Variants in GNAO1 observed in about 807,000 individuals in gnomAD.
The protein encoded by GNAO1 is guanine nucleotide-binding protein G(o) subunit alpha.
For missense variants in GNAO1, 166 were observed against 478.7 expected (o/e 0.35, Z 6.10); for synonymous variants, 164 against 180.7 (o/e 0.91, Z 0.74).
In GNAO1 at chr16:56,356,212, C is replaced by T. The variant is rs2037966386; in HGVS notation, c.*138C>T. On this transcript the variant is annotated 3_prime_UTR_variant, in exon 9 of 9. Transcript: ENST00000262493. Reference sequence around the variant, plus strand: ...ATCAAGCCCCTGTCTAACCTACGACCCCAGAGTGACTGACGGCTGTGTATT... The same window carrying T: ...ATCAAGCCCCTGTCTAACCTACGACTCCAGAGTGACTGACGGCTGTGTATT... 1 of 152,644 alleles carries T rather than the reference C, an allele frequency of 6.6e-6. No homozygotes were observed. Among genetic ancestry groups the T allele is most frequent in the Non-Finnish European group, 1.5e-5 (1 of 68,050 alleles). The allele number at this position is 152,644 out of a possible 1,614,324, so 9.5% of individuals were successfully genotyped here. A position where few individuals can be genotyped will look rare whatever the true frequency, so the allele number is the denominator to read the frequency against.
chr16:56,306,586 C>T (rs1182011064), intron 3 of GNAO1, among the ~76,000 whole-genome samples: 1 of 152,194 alleles, frequency 6.6e-6, no homozygotes, highest in African/African-American at 2.4e-5. Flanking sequence ...CACAGACCAG[C>T]CTCCAGTCAC....
intron 2 of GNAO1, among the ~76,000 whole-genome samples, chr16:56,202,846 C>T (rs2036292599): frequency 6.6e-6 from 1 of 152,196 alleles, no homozygotes; most frequent in African/African-American, 2.4e-5. Context: ...TTGTCTCACA[C>T]CTATTATGCA....
At position 56,311,275 on chromosome 16, in the gene GNAO1, G is replaced by A. The variant is rs781150897; in HGVS notation, c.304-17356G>A. 5.3e-5 allele frequency among the ~76,000 whole-genome samples: 8 copies of A among 152,064 alleles called. No individual in the cohort carries two copies. The highest frequency in any genetic ancestry group is 1.0e-4 in the Non-Finnish European group (7 of 68,002). On this transcript the variant is annotated intron_variant, in intron 3 of 8. Coordinates refer to ENST00000262493, the MANE Select transcript of GNAO1 (RefSeq NM_020988.3). The surrounding 1 kb of genome is among the most constrained non-coding windows in gnomAD (Gnocchi z 5.2). ...GGAGGGGAGTGGAACCTGAGCCCAG[G>A]TGGCATTTGGTGGCCCTGTAGTTTC...
At chr16:56,196,730 A>G (rs1260917662) in intron 2 of GNAO1, among the ~76,000 whole-genome samples, 2 of 152,216 alleles carry the variant, frequency 1.3e-5, no homozygotes, top group Non-Finnish European at 2.9e-5. Context: ...ATTGCATGCT[A>G]GCTGGTAGTC....
At chr16:56,248,513 C>T (rs1457328298) in intron 2 of GNAO1, among the ~76,000 whole-genome samples, 5 of 152,174 alleles carry the variant, frequency 3.3e-5, no homozygotes, top group African/African-American at 1.2e-4. Context: ...GAGACAGGTC[C>T]TCAGCTTCCA....
At position 56,221,444 on chromosome 16, in the gene GNAO1, G is replaced by A. The variant is rs540445219; in HGVS notation, c.161+28828G>A. Among the ~76,000 whole-genome samples the A allele has an allele frequency of 3.1e-3, 468 of 152,088 alleles. 2 individuals are homozygous for A. Among genetic ancestry groups the A allele is most frequent in the African/African-American group, 0.01 (435 of 41,476 alleles). ...GTGGGTGGATCCCTTGAGGTCAGGAGTTCATGACCAGCCTGGCCAACATGG... is the reference window on the plus strand; with the variant it reads ...GTGGGTGGATCCCTTGAGGTCAGGAATTCATGACCAGCCTGGCCAACATGG... On this transcript the variant is annotated intron_variant, in intron 2 of 8. Coordinates refer to ENST00000262493, the MANE Select transcript of GNAO1 (RefSeq NM_020988.3).
At chr16:56,303,998 G>A (rs2037368622) in intron 3 of GNAO1, among the ~76,000 whole-genome samples, 1 of 152,152 alleles carries the variant, frequency 6.6e-6, no homozygotes, top group Non-Finnish European at 1.5e-5. Flanking sequence ...TTGCTTTTTA[G>A]ATCTTTCCCT....
chr16:56,195,157 A>AT (rs201118754), intron 2 of GNAO1, among the ~76,000 whole-genome samples: 52 of 144,340 alleles, frequency 3.6e-4, no homozygotes, highest in Admixed American at 8.3e-4. Context: ...AGGTAAAACA[A>AT]TTTTTTTTTT....
chr16:56,202,250 A>G (rs141106549), intron 2 of GNAO1, among the ~76,000 whole-genome samples: 24 of 152,350 alleles, frequency 1.6e-4, no homozygotes, highest in Non-Finnish European at 2.8e-4. Context: ...GCAGGTGTCC[A>G]TGGAGTCTGG....
chr16:56,332,072 C>G (rs1333094255), intron 4 of GNAO1, among the ~76,000 whole-genome samples: 1 of 152,208 alleles, frequency 6.6e-6, no homozygotes, highest in African/African-American at 2.4e-5. Context: ...ACAGCCACCC[C>G]CACTGTGCCA....
chr16:56,345,939 TC>T (rs1337979203), intron 6 of GNAO1: 1 of 985,354 alleles, frequency 1.0e-6, no homozygotes, highest in African/African-American at 1.7e-5. Context: ...GCTCTCCATG[TC>T]CCCCAGCAGC....
At chr16:56,202,250 A>T (rs141106549) in intron 2 of GNAO1, among the ~76,000 whole-genome samples, 2 of 152,232 alleles carry the variant, frequency 1.3e-5, no homozygotes, top group Non-Finnish European at 2.9e-5. Context: ...GCAGGTGTCC[A>T]TGGAGTCTGG....
At chr16:56,284,562 C>A (rs2037146583) in intron 3 of GNAO1, among the ~76,000 whole-genome samples, 1 of 152,202 alleles carries the variant, frequency 6.6e-6, no homozygotes, top group South Asian at 2.1e-4. Context: ...CTCTTAGCTG[C>A]TCCTCCTCAT....
At chr16:56,355,995 G>C (rs1223282140) in intron 8 of GNAO1, 108 bp from the exon 9 acceptor site, 2 of 152,274 alleles carry the variant, frequency 1.3e-5, no homozygotes, top group Non-Finnish European at 2.9e-5. Context: ...GCCCCATCTC[G>C]CCCAACCCCA....
chr16:56,248,859 G>A (rs1423358121), intron 2 of GNAO1, among the ~76,000 whole-genome samples: 4 of 152,206 alleles, frequency 2.6e-5, no homozygotes, highest in Non-Finnish European at 5.9e-5. Context: ...GAAGGACTTG[G>A]ACTTTTATTC....
Position 56,351,643 on chromosome 16 carries a change from G to C in GNAO1, c.877+106G>C. ...GCACTGCTGGGGCTAGCTGGCGAGCGGGACCCATTGCAGGAGACTGGTGGG... is the reference window on the plus strand; with the variant it reads ...GCACTGCTGGGGCTAGCTGGCGAGCCGGACCCATTGCAGGAGACTGGTGGG... On this transcript the variant is annotated intron_variant, in intron 7 of 8. Transcript: ENST00000262493. This position sits in a 1 kb window ranked among gnomAD's most constrained non-coding sequence, Gnocchi z 6.1. 1 of 865,418 alleles carries C rather than the reference G, an allele frequency of 1.2e-6. No homozygotes were observed. Among genetic ancestry groups the C allele is most frequent in the South Asian group, 1.6e-5 (1 of 62,736 alleles). The allele number at this position is 865,418 out of a possible 1,614,324, so 53.6% of individuals were successfully genotyped here.
intron 3 of GNAO1, among the ~76,000 whole-genome samples, chr16:56,320,181 A>G (rs1305699908): frequency 2.6e-5 from 4 of 152,140 alleles, no homozygotes; most frequent in Admixed American, 6.5e-5. Flanking sequence ...TCAGAAATAT[A>G]CAGTCCCAGC....
intron 3 of GNAO1, among the ~76,000 whole-genome samples, chr16:56,281,941 A>T (rs1225645227): frequency 6.6e-6 from 1 of 152,270 alleles, no homozygotes; most frequent in Admixed American, 6.5e-5. Context: ...GTATGTATGT[A>T]CATCCTTGCA....
In GNAO1 at chr16:56,322,349, C is replaced by T. The variant is rs778964495; in HGVS notation, c.304-6282C>T. On this transcript the variant is annotated intron_variant, in intron 3 of 8. Transcript: ENST00000262493. The stretch of plus-strand genomic sequence containing the variant: ...GCAAGAAACAGCAGTGTGATGGGGC[C>T]GTAGCAGAAAGAATGGTGCTAGAAA... Among the ~76,000 whole-genome samples the T allele has an allele frequency of 3.3e-5, 5 of 152,264 alleles. No individual in the cohort carries two copies. The South Asian group carries it at 8.3e-4, about 25-fold the overall frequency.
Sources: gnomAD v4.1 joint callset for allele counts (sites outside exome capture counted in the v4.1 genomes callset) on GRCh38, gnomAD v4.1.1 for gene constraint, Gnocchi (gnomAD v3.1) non-coding constraint, MANE v1.5 for transcripts, NCBI Gene and HGNC (gene_info 2026-07-23, HGNC 2026-07-21) for gene names.